ASAP2: variants seen among roughly 807,000 people sequenced by gnomAD.
ASAP2 encodes the protein ArfGAP with SH3 domain, ankyrin repeat and PH domain 2, also known as arf-GAP with SH3 domain, ANK repeat and PH domain-containing protein 2.
Under a neutral mutation model 131.4 loss-of-function variants are expected in ASAP2, and 45 were observed. The ratio of observed to expected loss-of-function variants is 0.34; its 90% CI spans 0.27 to 0.44. The LOEUF (loss-of-function observed/expected upper bound fraction) is 0.44, where lower values mean the gene tolerates loss of function less well. Ranked by LOEUF, ASAP2 falls within the 20% of genes least tolerant of loss-of-function variation. The probability of loss-of-function intolerance (pLI) is 1.00; values close to 1 mark genes in which losing one functional copy is unlikely to be tolerated. For missense variants in ASAP2, 1,011 were observed against 1,297.0 expected, an observed-to-expected ratio of 0.78 and a Z score of 3.39; for synonymous variants, 510 against 503.0, an observed-to-expected ratio of 1.01 and a Z score of -0.19.
At chr2:9,401,188 A>G (rs1252930942) in intron 26 of ASAP2, 86 bp from the exon 27 acceptor site, 1 of 1,551,072 alleles carries the variant, frequency 6.4e-7, no homozygotes, top group Non-Finnish European at 8.8e-7. Flanking sequence ...GACTCCTGAG[A>G]CCGGGGAAGG....
intron 2 of ASAP2, among the ~76,000 whole-genome samples, chr2:9,283,637 A>C (rs1667273273): frequency 6.6e-6 from 1 of 152,158 alleles, no homozygotes; most frequent in Admixed American, 6.5e-5. Context: ...TCGGGCTGCT[A>C]TAACAAAATA....
At chr2:9,315,691 T>A (rs1669622066) in intron 3 of ASAP2, among the ~76,000 whole-genome samples, 1 of 152,148 alleles carries the variant, frequency 6.6e-6, no homozygotes, top group South Asian at 2.1e-4. Context: ...CTAGGCGTGC[T>A]TGCTGTCGTA....
At chr2:9,372,814 A>C (rs983825195) in intron 16 of ASAP2, among the ~76,000 whole-genome samples, 1 of 152,056 alleles carries the variant, frequency 6.6e-6, no homozygotes, top group African/African-American at 2.4e-5. Context: ...ACCCACGTCC[A>C]CACTCAGTCG....
intron 22 of ASAP2, among the ~76,000 whole-genome samples, chr2:9,390,177 TA>T (rs1035563961): frequency 2.0e-5 from 3 of 152,254 alleles, no homozygotes; most frequent in Admixed American, 6.5e-5. Flanking sequence ...TCCAGTAATG[TA>T]GGTCATACCC....
Position 9,316,989 on chromosome 2 carries a change from A to G in ASAP2, c.346-1535A>G, listed in dbSNP as rs376987956. 3.6e-3 allele frequency among the ~76,000 whole-genome samples: 432 copies of G among 121,174 alleles called. 4 individuals carry two copies. The highest frequency in any genetic ancestry group is 0.012 in the African/African-American group (379 of 31,174). The allele number at this position is 121,174 out of a possible 152,430, so 79.5% of individuals were successfully genotyped here. A position where few individuals can be genotyped will look rare whatever the true frequency, so the allele number is the denominator to read the frequency against. ...CCCCCCGTCACACCCTCTCATGTCC[A>G]CTCTCATACACTCTCACAACCACAC... On this transcript the variant is annotated intron_variant, in intron 3 of 27. Coordinates refer to ENST00000281419, the MANE Select transcript of ASAP2 (RefSeq NM_003887.3).
At chr2:9,243,893 C>T (rs1424033483) in intron 1 of ASAP2, among the ~76,000 whole-genome samples, 7 of 152,050 alleles carry the variant, frequency 4.6e-5, no homozygotes, top group Non-Finnish European at 1.0e-4. Flanking sequence ...ATTTTTGTTC[C>T]CTCCCCAGAA....
At chr2:9,240,952 C>G (rs1339599191) in intron 1 of ASAP2, among the ~76,000 whole-genome samples, 1 of 152,242 alleles carries the variant, frequency 6.6e-6, no homozygotes, top group Non-Finnish European at 1.5e-5. Context: ...CCTTGTGGTT[C>G]TGCCAGACAA....
intron 1 of ASAP2, among the ~76,000 whole-genome samples, chr2:9,242,828 T>G (rs1224940820): frequency 6.6e-6 from 1 of 152,224 alleles, no homozygotes; most frequent in Non-Finnish European, 1.5e-5. Context: ...GATTGTCCGA[T>G]GATTGTCAGG....
intron 3 of ASAP2, among the ~76,000 whole-genome samples, chr2:9,317,466 C>T (rs1286933125): frequency 3.6e-5 from 5 of 138,174 alleles, no homozygotes; most frequent in African/African-American, 1.4e-4. Flanking sequence ...GTGCATTCAC[C>T]TTATACTCAG....
intron 3 of ASAP2, among the ~76,000 whole-genome samples, chr2:9,310,209 C>T (rs563931485): frequency 5.3e-5 from 8 of 152,274 alleles, no homozygotes; most frequent in South Asian, 2.1e-4. Context: ...AGCATTTGCT[C>T]GAATTAAAAT....
At chr2:9,240,720 A>G (rs553232196) in intron 1 of ASAP2, among the ~76,000 whole-genome samples, 2 of 152,344 alleles carry the variant, frequency 1.3e-5, no homozygotes, top group Non-Finnish European at 2.9e-5. Context: ...ACCTCAGCAT[A>G]GGAATTTTTC....
intron 1 of ASAP2, among the ~76,000 whole-genome samples, chr2:9,242,782 C>T (rs551576672): frequency 2.0e-5 from 3 of 152,154 alleles, no homozygotes; most frequent in Non-Finnish European, 2.9e-5. Context: ...GGAAAATTGC[C>T]GTCTGGGGAA....
Position 9,344,599 on chromosome 2 carries a change from C to T in ASAP2, c.917C>T (p.Thr306Ile). 1 of 1,614,126 alleles carries T rather than the reference C, an allele frequency of 6.2e-7. No individual in the cohort carries two copies. The highest frequency in any genetic ancestry group is 1.1e-5 in the South Asian group (1 of 91,084). ...HQPQGNKEHG[T>I]ERNGSLYKKS... The stretch of plus-strand genomic sequence containing the variant: ...CCTCAGGGAAACAAGGAACATGGGA[C>T]CGAGCGGAACGGCAGCCTCTACAAG... Residue 306 changes from threonine to isoleucine, a missense_variant, in exon 10 of 28, where the codon ACC becomes ATC. By Grantham distance (89) the Thr-to-Ile change is moderately conservative. This residue lies in a region of ASAP2 where 359 missense variants were observed against 598.1 expected (regional missense o/e 0.60). Transcript: ENST00000281419.
Position 9,344,776 on chromosome 2 carries a change from T to G in ASAP2, c.999T>G (p.Gly333=), listed in dbSNP as rs1671848890. ...WQKRKCSVKN[G]FLTISHGTAN... ...AAAGGAAATGTTCAGTTAAAAATGG[T>G]TTTCTGACCATATCCCATGGTACCG... The change falls in exon 11 of 28, where the codon GGT becomes GGG. Residue 333 remains glycine, a synonymous_variant. Transcript: ENST00000281419. 6.2e-7 allele frequency: 1 copy of G among 1,613,812 alleles called. No homozygotes were observed. Among genetic ancestry groups the G allele is most frequent in the African/African-American group, 1.3e-5 (1 of 74,890 alleles).
chr2:9,318,632 T>C (rs761528938), intron 4 of ASAP2, 34 bp downstream of exon 4: 1 of 1,490,970 alleles, frequency 6.7e-7, no homozygotes. Flanking sequence ...CAGGGGCAGC[T>C]TTTACACCAT....
At chr2:9,302,115 G>A (rs1296829462) in intron 3 of ASAP2, among the ~76,000 whole-genome samples, 3 of 127,436 alleles carry the variant, frequency 2.4e-5, no homozygotes, top group Admixed American at 7.8e-5. Context: ...GAGCCACCGC[G>A]CCCGGCCTTT....
chr2:9,394,852 G>A (rs1434707229), intron 24 of ASAP2, among the ~76,000 whole-genome samples: 1 of 152,152 alleles, frequency 6.6e-6, no homozygotes, highest in Non-Finnish European at 1.5e-5. Context: ...GAAAGGACTC[G>A]AAGCCTGGGG....
intron 20 of ASAP2, among the ~76,000 whole-genome samples, chr2:9,381,158 G>A (rs1194064966): frequency 6.6e-6 from 1 of 152,196 alleles, no homozygotes; most frequent in African/African-American, 2.4e-5. Context: ...TACTTTGCAG[G>A]ACATCAAGGC....
intron 18 of ASAP2, among the ~76,000 whole-genome samples, chr2:9,377,807 T>C (rs1249717787): frequency 6.6e-6 from 1 of 152,100 alleles, no homozygotes; most frequent in African/African-American, 2.4e-5. Flanking sequence ...GGCCAGAAAG[T>C]AGGGGAGTGT....
Sources: gnomAD v4.1 joint callset for allele counts (sites outside exome capture counted in the v4.1 genomes callset) on GRCh38, gnomAD v4.1.1 for gene constraint, gnomAD v4.1.1 regional missense constraint, MANE v1.5 for transcripts, NCBI Gene and HGNC (gene_info 2026-07-23, HGNC 2026-07-21) for gene names.